ERC2: variants seen among roughly 807,000 people sequenced by gnomAD.
The protein encoded by ERC2 is ELKS/RAB6-interacting/CAST family member 2, also known as ERC protein 2.
Under a neutral mutation model 114.8 loss-of-function variants are expected in ERC2, and 42 were observed. The ratio of observed to expected loss-of-function variants is 0.37; its 90% CI spans 0.29 to 0.47. ERC2 has a LOEUF of 0.47. Among genes scored for constraint, ERC2 ranks in the 20% least tolerant of loss-of-function variants. ERC2 has a pLI of 0.99. For missense variants in ERC2, 939 were observed against 1,150.7 expected, an observed-to-expected ratio of 0.82 and a Z score of 2.66; for synonymous variants, 454 against 425.5, an observed-to-expected ratio of 1.07 and a Z score of -0.82.
intron 13 of ERC2, among the ~76,000 whole-genome samples, chr3:55,921,156 T>C (rs1210684059): frequency 6.6e-6 from 1 of 152,166 alleles, no homozygotes; most frequent in Non-Finnish European, 1.5e-5. Context: ...TTTGCTTTAA[T>C]TGATGGGATT....
At chr3:55,879,084 T>TCTTAA (rs1436187594) in intron 14 of ERC2, among the ~76,000 whole-genome samples, 1 of 72,038 alleles carries the variant, frequency 1.4e-5, no homozygotes, top group African/African-American at 5.0e-5. Context: ...CTTTTCTTTT[T>TCTTAA]TTTTCTTTTT....
chr3:56,202,529 T>C (rs9880997), intron 3 of ERC2, among the ~76,000 whole-genome samples: 4,367 of 149,664 alleles, frequency 0.029, 70 homozygotes, highest in Middle Eastern at 0.055. Flanking sequence ...TTTATAGATG[T>C]ATTTATATGC....
intron 12 of ERC2, among the ~76,000 whole-genome samples, chr3:55,955,585 T>G (rs2067898119): frequency 6.6e-6 from 1 of 152,246 alleles, no homozygotes; most frequent in Non-Finnish European, 1.5e-5. Context: ...CATTGCTTAT[T>G]GCTGAGTACT....
chr3:56,162,278 CT>C (rs1181776453), intron 4 of ERC2, among the ~76,000 whole-genome samples: 1 of 152,006 alleles, frequency 6.6e-6, no homozygotes, highest in Non-Finnish European at 1.5e-5. Context: ...TTGAATTTGG[CT>C]TGATAGTATT....
At position 56,078,396 on chromosome 3, in the gene ERC2, G is replaced by C. The variant is rs558979817; in HGVS notation, c.1641+2421C>G. 3.9e-4 allele frequency among the ~76,000 whole-genome samples: 60 copies of C among 152,248 alleles called. 1 individual carries two copies. The South Asian group carries it at 0.012, about 30-fold the overall frequency. ...GACAGACTCTATTCTGTACATGAAT[G>C]TACCATTTAGGCTCTGGCTGACCAT... is the stretch of plus-strand genomic sequence containing the variant. On this transcript the variant is annotated intron_variant, in intron 7 of 17. Coordinates refer to ENST00000288221, the MANE Select transcript of ERC2 (RefSeq NM_015576.3).
intron 4 of ERC2, among the ~76,000 whole-genome samples, chr3:56,154,898 C>A (rs1193825815): frequency 6.6e-6 from 1 of 152,096 alleles, no homozygotes; most frequent in Non-Finnish European, 1.5e-5. Flanking sequence ...CCTACTAATT[C>A]CCCAGTTGTT....
At chr3:56,222,395 C>T (rs183519150) in intron 3 of ERC2, among the ~76,000 whole-genome samples, 7 of 152,294 alleles carry the variant, frequency 4.6e-5, no homozygotes, top group African/African-American at 1.2e-4. Context: ...GAATGTCCCC[C>T]TTCATGGAAC....
At chr3:56,238,162 A>T (rs909218240) in intron 3 of ERC2, among the ~76,000 whole-genome samples, 1 of 152,186 alleles carries the variant, frequency 6.6e-6, no homozygotes, top group South Asian at 2.1e-4. Context: ...TCTTAATTTA[A>T]TAACTGACTA....
At chr3:55,802,372 C>G in intron 14 of ERC2, among the ~76,000 whole-genome samples, 1 of 151,946 alleles carries the variant, frequency 6.6e-6, no homozygotes, top group East Asian at 1.9e-4. Flanking sequence ...GTATAGGGGA[C>G]GGGGAGGTAT....
chr3:55,620,393 G>A (rs1032816911), intron 17 of ERC2, among the ~76,000 whole-genome samples: 5 of 152,176 alleles, frequency 3.3e-5, no homozygotes, highest in African/African-American at 4.8e-5. Flanking sequence ...TTTAAACCCT[G>A]CTTTGAATTT....
At chr3:56,399,234 C>G (rs1361510848) in intron 2 of ERC2, among the ~76,000 whole-genome samples, 1 of 152,200 alleles carries the variant, frequency 6.6e-6, no homozygotes, top group Non-Finnish European at 1.5e-5. Flanking sequence ...AATCCAAAAC[C>G]ATTAGAGCCT....
intron 10 of ERC2, among the ~76,000 whole-genome samples, chr3:56,004,640 A>G (rs1003289943): frequency 2.0e-5 from 3 of 152,002 alleles, no homozygotes; most frequent in African/African-American, 7.2e-5. Context: ...TTTCATTGCC[A>G]CTGGCAGACA....
intron 2 of ERC2, among the ~76,000 whole-genome samples, chr3:56,398,175 C>G (rs2060384668): frequency 6.6e-6 from 1 of 152,200 alleles, no homozygotes; most frequent in Non-Finnish European, 1.5e-5. Context: ...ACTTCCAATG[C>G]TGTGAAATTT....
chr3:55,828,914 A>C (rs2060451979), intron 14 of ERC2, among the ~76,000 whole-genome samples: 1 of 152,210 alleles, frequency 6.6e-6, no homozygotes, highest in Non-Finnish European at 1.5e-5. Context: ...TGACGTAGGC[A>C]AATGACTTGA....
At chr3:55,792,410 A>AT (rs1211981886) in intron 14 of ERC2, among the ~76,000 whole-genome samples, 3 of 152,196 alleles carry the variant, frequency 2.0e-5, no homozygotes, top group Admixed American at 2.0e-4. Flanking sequence ...TTTAAAAGCC[A>AT]TTATCTTATT....
At chr3:55,731,837 T>C (rs950675229) in intron 15 of ERC2, among the ~76,000 whole-genome samples, 1 of 152,172 alleles carries the variant, frequency 6.6e-6, no homozygotes, top group Non-Finnish European at 1.5e-5. Flanking sequence ...TTGTTGTTGA[T>C]GTGATCAAAT....
chr3:55,647,763 T>C (rs2060454889), intron 17 of ERC2, among the ~76,000 whole-genome samples: 1 of 152,218 alleles, frequency 6.6e-6, no homozygotes, highest in Non-Finnish European at 1.5e-5. Context: ...GCTTATCTGA[T>C]CTAGGCCCAT....
chr3:55,743,335 A>C (rs1172624457), intron 14 of ERC2, among the ~76,000 whole-genome samples: 2 of 152,238 alleles, frequency 1.3e-5, no homozygotes, highest in African/African-American at 2.4e-5. Context: ...GGGCACTAAG[A>C]GGGCAAATGC....
At chr3:56,247,958 T>C (rs1332036713) in intron 3 of ERC2, among the ~76,000 whole-genome samples, 1 of 152,254 alleles carries the variant, frequency 6.6e-6, no homozygotes, top group Non-Finnish European at 1.5e-5. Flanking sequence ...TACCTTTTAA[T>C]AATAATTGCA....
Sources: gnomAD v4.1 joint callset for allele counts (sites outside exome capture counted in the v4.1 genomes callset) on GRCh38, gnomAD v4.1.1 for gene constraint, MANE v1.5 for transcripts, NCBI Gene and HGNC (gene_info 2026-07-23, HGNC 2026-07-21) for gene names.